Variants in DKK3 observed in about 807,000 individuals in gnomAD.
The protein encoded by DKK3 is dickkopf-related protein 3.
Under a neutral mutation model 33.2 loss-of-function variants are expected in DKK3, and 22 were observed. The ratio of observed to expected loss-of-function variants is 0.66; its 90% CI spans 0.47 to 0.95. DKK3 has a LOEUF of 0.95. Ranked by LOEUF, DKK3 falls within the 40% of genes least tolerant of loss-of-function variation. The pLI, the probability that DKK3 is intolerant of heterozygous loss-of-function variation, is 0.00. For synonymous variants in DKK3, 194 were observed against 188.8 expected, an observed-to-expected ratio of 1.03 and a Z score of -0.23; for missense variants, 398 against 458.4, an observed-to-expected ratio of 0.87 and a Z score of 1.20.
At chr11:11,998,954 C>A (rs1393440655) in intron 2 of DKK3, among the ~76,000 whole-genome samples, 175 bp from the exon 3 acceptor site, 3 of 152,100 alleles carry the variant, frequency 2.0e-5, no homozygotes, top group African/African-American at 7.2e-5. Flanking sequence ...TGGACGGCTT[C>A]CCCTGGGCAC....
chr11:12,006,196 A>G (rs1338157953), intron 1 of DKK3, among the ~76,000 whole-genome samples: 7 of 152,156 alleles, frequency 4.6e-5, no homozygotes, highest in Admixed American at 6.5e-5. Context: ...ATTAAGAGAC[A>G]TTGGGGCCTA....
rs142214932 is a variant in DKK3, at chr11:12,002,103, G to A, written c.351+197C>T. 151 of 537,142 alleles carry A rather than the reference G, an allele frequency of 2.8e-4. 1 individual carries two copies. Among genetic ancestry groups the A allele is most frequent in the African/African-American group, 2.5e-3 (135 of 53,228 alleles). 33.3% of individuals were successfully genotyped at this position (537,142 alleles called of 1,614,324 possible). On this transcript the variant is annotated intron_variant, in intron 2 of 6. Transcript: ENST00000683431. ...TTAAATATATTGCTTAAATGCAAAA[G>A]CAGTTTAGGATCCTGATACATTGTC...
At chr11:11,992,977 T>C (rs535607794) in intron 3 of DKK3, among the ~76,000 whole-genome samples, 1 of 152,340 alleles carries the variant, frequency 6.6e-6, no homozygotes. Context: ...ACACCCACTG[T>C]AGGTGAGGGC....
At chr11:11,990,634 C>T (rs1043488493) in intron 3 of DKK3, among the ~76,000 whole-genome samples, 2 of 152,210 alleles carry the variant, frequency 1.3e-5, no homozygotes, top group African/African-American at 4.8e-5. Flanking sequence ...CTTGGCATGG[C>T]TCTCAAAGGC....
chr11:11,977,519 C>T (rs1194657539), intron 3 of DKK3, among the ~76,000 whole-genome samples: 1 of 152,192 alleles, frequency 6.6e-6, no homozygotes, highest in Non-Finnish European at 1.5e-5. Context: ...CAGCTTGTCT[C>T]TACTCATCCA....
chr11:12,008,483 G>C lies in DKK3; in HGVS notation c.100C>G (p.Pro34Ala), dbSNP rs77613873. The C allele has an allele frequency of 1.2e-6, 2 of 1,604,984 alleles. No homozygotes were observed. Among genetic ancestry groups the C allele is most frequent in the Non-Finnish European group, 1.7e-6 (2 of 1,178,750 alleles). Residue 34 changes from proline to alanine, a missense_variant, in exon 1 of 7, where the codon CCC (proline) becomes GCC (alanine). Transcript: ENST00000683431. This position sits in a 1 kb window ranked among gnomAD's most constrained non-coding sequence, Gnocchi z 4.6. ...TGCGGGTAGCTGAGAGCCGGGCCGG[G>C]CTTGACTGGAGCCGAGGTCGCCGTC... ...APTATSAPVK[P>A]GPALSYPQEE...
intron 3 of DKK3, among the ~76,000 whole-genome samples, chr11:11,988,719 GAGTGGGTGTTAATTCCTGA>G (rs947783481): frequency 1.8e-4 from 28 of 152,304 alleles, no homozygotes; most frequent in African/African-American, 6.7e-4. Flanking sequence ...GGAGGGTGTG[GAGTGGGTGTTAATTCCTGA>G]ATGGTCAAGG....
At chr11:11,994,375 T>C (rs916081371) in intron 3 of DKK3, among the ~76,000 whole-genome samples, 3 of 152,022 alleles carry the variant, frequency 2.0e-5, no homozygotes, top group Non-Finnish European at 4.4e-5. Flanking sequence ...TAAAAGGCAA[T>C]GCAGGGCTCG....
chr11:11,998,728 A>AT lies in DKK3; in HGVS notation c.402dup (p.Ser135IlefsTer49), dbSNP rs1848354600. The AT allele has an allele frequency of 6.2e-7, 1 of 1,614,090 alleles. No homozygotes were observed. Among genetic ancestry groups the AT allele is most frequent in the Admixed American group, 1.7e-5 (1 of 60,008 alleles). On this transcript the variant is annotated frameshift_variant, in exon 3 of 7. Coordinates refer to ENST00000683431, the MANE Select transcript of DKK3 (RefSeq NM_001018057.2). LOFTEE classifies it high-confidence loss of function. ...CTTCTGCCTTCTTCGTCTCCCACAGATGTGATAACTGTCTCTGAAAAGACC... is the reference window on the plus strand; with the variant it reads ...CTTCTGCCTTCTTCGTCTCCCACAGATTGTGATAACTGTCTCTGAAAAGACC...
chr11:11,965,483 C>T (rs1847566662), intron 6 of DKK3, among the ~76,000 whole-genome samples: 1 of 152,166 alleles, frequency 6.6e-6, no homozygotes, highest in Non-Finnish European at 1.5e-5. Context: ...TCCTTTTTCT[C>T]TGCTTATCTG....
At chr11:11,974,288 A>G (rs1042014183) in intron 3 of DKK3, among the ~76,000 whole-genome samples, 2 of 152,242 alleles carry the variant, frequency 1.3e-5, no homozygotes, top group Admixed American at 6.5e-5. Context: ...GGCTTTAAGT[A>G]TAGTATGCCT....
At chr11:11,985,839 C>A (rs1165252024) in intron 3 of DKK3, among the ~76,000 whole-genome samples, 1 of 152,210 alleles carries the variant, frequency 6.6e-6, no homozygotes, top group Admixed American at 6.5e-5. Flanking sequence ...CAAATCCCAG[C>A]AAAACCATGG....
At chr11:12,001,802 C>G (rs919498772) in intron 2 of DKK3, 1 of 152,184 alleles carries the variant, frequency 6.6e-6, no homozygotes, top group African/African-American at 2.4e-5. Context: ...GCACAACCAG[C>G]AAATGAATGT....
rs1033165596 is a variant in DKK3, at chr11:12,008,010, T to C, written c.213+360A>G. ...ATGCCTGGAGCTTGTCCCGGGTTTCTGTGAAACCACAGTGCTGGAATACCA... is the reference window on the plus strand; with the variant it reads ...ATGCCTGGAGCTTGTCCCGGGTTTCCGTGAAACCACAGTGCTGGAATACCA... On this transcript the variant is annotated intron_variant, in intron 1 of 6. Transcript: ENST00000683431. The surrounding 1 kb of genome is among the most constrained non-coding windows in gnomAD (Gnocchi z 4.6). Among the ~76,000 whole-genome samples, 2 of 152,218 alleles carry C rather than the reference T, an allele frequency of 1.3e-5. No individual in the cohort carries two copies. Among genetic ancestry groups the C allele is most frequent in the Admixed American group, 6.5e-5 (1 of 15,284 alleles).
At chr11:11,966,863 C>G in intron 5 of DKK3, 91 bp downstream of exon 5, 1 of 1,549,620 alleles carries the variant, frequency 6.5e-7, no homozygotes, top group Non-Finnish European at 8.8e-7. Context: ...GGACGCGAAA[C>G]CATGTGGTTG....
chr11:11,993,606 T>C (rs571602434), intron 3 of DKK3, among the ~76,000 whole-genome samples: 1 of 152,354 alleles, frequency 6.6e-6, no homozygotes, highest in African/African-American at 2.4e-5. Context: ...TATTTGGGAA[T>C]TATTTACCCA....
At chr11:11,966,811 C>G in intron 5 of DKK3, 143 bp downstream of exon 5, 1 of 1,164,800 alleles carries the variant, frequency 8.6e-7, no homozygotes, top group Non-Finnish European at 1.2e-6. Flanking sequence ...TGTGGGAGTG[C>G]AGCACACACT....
At chr11:11,981,199 G>C (rs1380307272) in intron 3 of DKK3, among the ~76,000 whole-genome samples, 1 of 152,090 alleles carries the variant, frequency 6.6e-6, no homozygotes, top group African/African-American at 2.4e-5. Context: ...GCTTCCATTT[G>C]GCTCTTTCCC....
chr11:12,007,310 T>C (rs1848557059), intron 1 of DKK3, among the ~76,000 whole-genome samples: 1 of 152,214 alleles, frequency 6.6e-6, no homozygotes, highest in African/African-American at 2.4e-5. Flanking sequence ...CCAACCAGCC[T>C]GGACATTGGT....
Sources: allele counts gnomAD v4.1 joint callset (sites outside exome capture counted in the v4.1 genomes callset), GRCh38; gene constraint gnomAD v4.1.1; non-coding constraint Gnocchi (gnomAD v3.1); transcripts MANE v1.5; gene names NCBI Gene and HGNC (gene_info 2026-07-23, HGNC 2026-07-21).